BEND5: variants seen among roughly 807,000 people sequenced by gnomAD.
BEND5 encodes the protein BEN domain-containing protein 5.
Under a neutral mutation model 43.9 loss-of-function variants are expected in BEND5, and 22 were observed. The observed-to-expected ratio is 0.50, with a 90% CI of 0.36 to 0.72. The LOEUF (loss-of-function observed/expected upper bound fraction) is 0.72, where lower values mean the gene tolerates loss of function less well. BEND5 is among the 30% of genes least tolerant of loss of function. The pLI is 0.00. For missense variants in BEND5, 428 were observed against 550.6 expected (o/e 0.78, Z 2.23); for synonymous variants, 228 against 225.9 (o/e 1.01, Z -0.08).
chr1:48,743,375 C>T (rs934297192), intron 3 of BEND5, among the ~76,000 whole-genome samples: 1 of 152,148 alleles, frequency 6.6e-6, no homozygotes, highest in Non-Finnish European at 1.5e-5. Context: ...GCAGTTTAAA[C>T]AGCAAAAAGG....
At chr1:48,734,503 C>A (rs1187984889) in intron 5 of BEND5, among the ~76,000 whole-genome samples, 1 of 152,152 alleles carries the variant, frequency 6.6e-6, no homozygotes, top group African/African-American at 2.4e-5. Context: ...TTGACTCCAG[C>A]AAATCCAAGC....
At chr1:48,775,112 T>C (rs1645012406) in intron 1 of BEND5, among the ~76,000 whole-genome samples, 1 of 152,328 alleles carries the variant, frequency 6.6e-6, no homozygotes, top group African/African-American at 2.4e-5. Context: ...CCTAATCAGC[T>C]ATGAATGGTT....
rs148624104 is a variant in BEND5 at position 48,747,364 on chromosome 1, T to C, written c.746-4593A>G. Among the ~76,000 whole-genome samples, 1,387 of 152,284 alleles carry C rather than the reference T, an allele frequency of 9.1e-3. 23 individuals carry two copies. Among genetic ancestry groups the C allele is most frequent in the African/African-American group, 0.031 (1,305 of 41,560 alleles). Reference sequence around the variant, plus strand: ...ACTCTCAGCTGGGTAAAGGAAGCTTTTAAAAAGTATGAAAGGTAGTACTTG... The same window carrying C: ...ACTCTCAGCTGGGTAAAGGAAGCTTCTAAAAAGTATGAAAGGTAGTACTTG... On this transcript the variant is annotated intron_variant, in intron 3 of 5. Transcript: ENST00000371833.
At chr1:48,735,523 GAAGT>G (rs561009171) in intron 5 of BEND5, among the ~76,000 whole-genome samples, 56 of 138,770 alleles carry the variant, frequency 4.0e-4, no homozygotes, top group African/African-American at 1.4e-3. Context: ...AGAAAGGAAG[GAAGT>G]AAGGAAGGAA....
At chr1:48,752,044 G>A (rs1321522800) in intron 3 of BEND5, among the ~76,000 whole-genome samples, 1 of 152,146 alleles carries the variant, frequency 6.6e-6, no homozygotes, top group Admixed American at 6.5e-5. Context: ...CCTGCCATCT[G>A]AATTAAGCAG....
chr1:48,742,887 G>T, intron 3 of BEND5, 116 bp from the exon 4 acceptor site: 2 of 1,075,362 alleles, frequency 1.9e-6, no homozygotes, highest in Non-Finnish European at 2.5e-6. Flanking sequence ...GCTTATTTTT[G>T]TCCATTGAAC....
Position 48,776,808 on chromosome 1 carries a change from C to T in BEND5, c.24G>A (p.Leu8=), listed in dbSNP as rs766087899. ...GCAGCGCGTAGCAGACGTTGTCCTCCAGGAACCGCACAAAGGCGTACATGG... is the reference window on the plus strand; with the variant it reads ...GCAGCGCGTAGCAGACGTTGTCCTCTAGGAACCGCACAAAGGCGTACATGG... MYAFVRF[L]EDNVCYALPV... Residue 8 remains leucine, a synonymous_variant, in exon 1 of 6, where the codon CTG becomes CTA. Coordinates refer to ENST00000371833, the MANE Select transcript of BEND5 (RefSeq NM_024603.4). 8 of 1,522,402 alleles carry T rather than the reference C, an allele frequency of 5.3e-6. No individual in the cohort carries two copies. In the South Asian group the frequency reaches 7.4e-5, roughly 14 times the overall value. 94.3% of individuals were successfully genotyped at this position (1,522,402 alleles called of 1,614,324 possible). A position where few individuals can be genotyped will look rare whatever the true frequency, so the allele number is the denominator to read the frequency against.
At chr1:48,733,212 T>A (rs1430238425) in intron 5 of BEND5, among the ~76,000 whole-genome samples, 1 of 152,094 alleles carries the variant, frequency 6.6e-6, no homozygotes, top group Non-Finnish European at 1.5e-5. Context: ...AAATGAGTGA[T>A]CAAATATATT....
At chr1:48,728,709 G>T (rs151116031) in intron 5 of BEND5, among the ~76,000 whole-genome samples, 1 of 152,182 alleles carries the variant, frequency 6.6e-6, no homozygotes, top group Non-Finnish European at 1.5e-5. Flanking sequence ...CAGCCTAGGC[G>T]TGGACTTGCT....
At chr1:48,735,971 C>T (rs1648977883) in intron 5 of BEND5, among the ~76,000 whole-genome samples, 2 of 152,196 alleles carry the variant, frequency 1.3e-5, no homozygotes, top group African/African-American at 4.8e-5. Flanking sequence ...ATCCTCCCCT[C>T]CTGAGAACTC....
Position 48,776,642 on chromosome 1 carries a change from G to A in BEND5, c.190C>T (p.Leu64=). The change falls in exon 1 of 6, where the codon CTG becomes TTG. Residue 64 remains leucine (L), a synonymous_variant. Coordinates refer to ENST00000371833, the MANE Select transcript of BEND5 (RefSeq NM_024603.4). ...PPRAPRDWGA[L]LLHKAQILAL... ...AGGATCTGGGCCTTGTGGAGCAACAGCGCGCCCCAGTCGCGGGGGGCGCGC... is the reference window on the plus strand; with the variant it reads ...AGGATCTGGGCCTTGTGGAGCAACAACGCGCCCCAGTCGCGGGGGGCGCGC... The A allele has an allele frequency of 6.7e-7, 1 of 1,484,458 alleles. No individual in the cohort carries two copies. Among genetic ancestry groups the A allele is most frequent in the Non-Finnish European group, 8.9e-7 (1 of 1,121,772 alleles). The allele number at this position is 1,484,458 out of a possible 1,614,324, so 92.0% of individuals were successfully genotyped here.
chr1:48,729,648 C>T (rs981591967), intron 5 of BEND5, among the ~76,000 whole-genome samples: 1 of 152,114 alleles, frequency 6.6e-6, no homozygotes, highest in African/African-American at 2.4e-5. Flanking sequence ...GAATCCACTG[C>T]TACCTGCCCA....
In BEND5 at chr1:48,736,857, C is replaced by T. The variant is rs982351865; in HGVS notation, c.895-405G>A. ...CTTACCAAATCTCAGGACACCCATGCTTAACTTCTTTCTGTGTTACACTAT... is the reference window on the plus strand; with the variant it reads ...CTTACCAAATCTCAGGACACCCATGTTTAACTTCTTTCTGTGTTACACTAT... On this transcript the variant is annotated intron_variant, in intron 4 of 5. Transcript: ENST00000371833. The surrounding 1 kb of genome is among the most constrained non-coding windows in gnomAD (Gnocchi z 4.0). 2.0e-5 allele frequency among the ~76,000 whole-genome samples: 3 copies of T among 152,182 alleles called. No homozygotes were observed. The highest frequency in any genetic ancestry group is 7.2e-5 in the African/African-American group (3 of 41,442).
intron 1 of BEND5, among the ~76,000 whole-genome samples, chr1:48,774,804 T>C (rs1240798521): frequency 2.0e-5 from 3 of 152,318 alleles, no homozygotes; most frequent in Non-Finnish European, 4.4e-5. Flanking sequence ...AGTGTATATG[T>C]ATGTTTGCTG....
chr1:48,762,961 G>C (rs1217019478), intron 1 of BEND5, among the ~76,000 whole-genome samples: 3 of 152,018 alleles, frequency 2.0e-5, no homozygotes, highest in South Asian at 2.1e-4. Flanking sequence ...GTGAGGATGA[G>C]AGCAATAATT....
rs1045619365 is a variant in BEND5 at position 48,776,859 on chromosome 1, G to T, written c.-28C>A. The stretch of plus-strand genomic sequence containing the variant: ...TGGGCGCCGGGGGCGGGCCCCGGTC[G>T]GGCAGCTCAGCCCGCGGGGCGGGCG... On this transcript the variant is annotated 5_prime_UTR_variant, in exon 1 of 6. Transcript: ENST00000371833. 26 of 1,464,294 alleles carry T rather than the reference G, an allele frequency of 1.8e-5. No homozygotes were observed. The East Asian group carries it at 4.1e-4, about 23-fold the overall frequency. 90.7% of individuals were successfully genotyped at this position (1,464,294 alleles called of 1,614,324 possible).
chr1:48,776,350 T>C (rs1390389875), intron 1 of BEND5, among the ~76,000 whole-genome samples: 1 of 151,944 alleles, frequency 6.6e-6, no homozygotes, highest in Non-Finnish European at 1.5e-5. Context: ...CAGACACAGA[T>C]GAAGAGATGA....
At chr1:48,758,222 T>C (rs1644050781) in intron 3 of BEND5, among the ~76,000 whole-genome samples, 1 of 152,350 alleles carries the variant, frequency 6.6e-6, no homozygotes, top group East Asian at 1.9e-4. Flanking sequence ...TCTAATGCTT[T>C]CCATTCCTAC....
chr1:48,743,133 G>GT (rs1650187627), intron 3 of BEND5, among the ~76,000 whole-genome samples: 1 of 152,194 alleles, frequency 6.6e-6, no homozygotes, highest in Admixed American at 6.5e-5. Context: ...TGCAAATCGT[G>GT]TATTTGCCAA....
Sources: allele counts gnomAD v4.1 joint callset (sites outside exome capture counted in the v4.1 genomes callset), GRCh38; gene constraint gnomAD v4.1.1; non-coding constraint Gnocchi (gnomAD v3.1); transcripts MANE v1.5; gene names NCBI Gene and HGNC (gene_info 2026-07-23, HGNC 2026-07-21).